MALRD1: variants seen among roughly 807,000 people sequenced by gnomAD.
The protein encoded by MALRD1 is MAM and LDL-receptor class A domain-containing protein 1.
Under a neutral mutation model 242.1 loss-of-function variants are expected in MALRD1, and 247 were observed. That is an observed-to-expected ratio of 1.02 (90% CI 0.92 to 1.13). The LOEUF is 1.13. MALRD1 is among the 50% of genes most tolerant of loss of function. MALRD1 has a pLI of 0.00. For synonymous variants in MALRD1, 995 were observed against 866.6 expected (o/e 1.15, Z -2.60); for missense variants, 2,989 against 2,533.1 (o/e 1.18, Z -3.86).
At chr10:19,237,609 T>TATATAAATTATTATAATTATATATA (rs1229216369) in intron 18 of MALRD1, among the ~76,000 whole-genome samples, 1 of 13,500 alleles carries the variant, frequency 7.4e-5, no homozygotes, top group Non-Finnish European at 1.1e-4. Context: ...ATTATAATTA[T>TATATAAATTATTATAATTATATATA]AATTATATAA....
At position 19,690,573 on chromosome 10, in the gene MALRD1, A is replaced by C. The variant is rs573436092; in HGVS notation, c.6138-1709A>C. 3.9e-5 allele frequency among the ~76,000 whole-genome samples: 6 copies of C among 152,080 alleles called. No individual in the cohort carries two copies. In the South Asian group the frequency reaches 1.2e-3, roughly 31 times the overall value. On this transcript the variant is annotated intron_variant, in intron 36 of 39. Coordinates refer to ENST00000454679, the MANE Select transcript of MALRD1 (RefSeq NM_001142308.3). ...TTTTATAGGCAAACTTCTGTCAATA[A>C]GAGAAAATTTTCTATCTTTATTTTT...
chr10:19,372,878 G>A (rs1000204582), intron 26 of MALRD1, among the ~76,000 whole-genome samples: 13 of 152,094 alleles, frequency 8.5e-5, no homozygotes, highest in Non-Finnish European at 1.9e-4. Flanking sequence ...TAAGACTGGT[G>A]TAGTTTTTAA....
At chr10:19,396,387 C>T (rs764859429) in intron 28 of MALRD1, among the ~76,000 whole-genome samples, 10 of 152,110 alleles carry the variant, frequency 6.6e-5, no homozygotes, top group East Asian at 5.8e-4. Context: ...TCTCCTGTCT[C>T]GGCCTTCCAA....
At chr10:19,236,425 T>C (rs1013466240) in intron 18 of MALRD1, among the ~76,000 whole-genome samples, 3 of 152,132 alleles carry the variant, frequency 2.0e-5, no homozygotes, top group African/African-American at 7.2e-5. Context: ...ATAAAGCCCT[T>C]TCCTCCTCCC....
At chr10:19,376,297 C>T (rs1845591843) in intron 26 of MALRD1, among the ~76,000 whole-genome samples, 1 of 152,052 alleles carries the variant, frequency 6.6e-6, no homozygotes, top group African/African-American at 2.4e-5. Flanking sequence ...GCTTATGAAT[C>T]TGTGGTTAAT....
At chr10:19,445,021 C>T (rs1213097519) in intron 28 of MALRD1, among the ~76,000 whole-genome samples, 2 of 152,102 alleles carry the variant, frequency 1.3e-5, no homozygotes, top group Non-Finnish European at 2.9e-5. Context: ...ACTCTTTTTT[C>T]TCTAACCTTG....
At chr10:19,187,090 A>G (rs1835771127) in intron 14 of MALRD1, among the ~76,000 whole-genome samples, 1 of 152,256 alleles carries the variant, frequency 6.6e-6, no homozygotes, top group Non-Finnish European at 1.5e-5. Flanking sequence ...TTTATGTAGT[A>G]TAAATACTCA....
chr10:19,097,989 T>G (rs574864840), intron 4 of MALRD1, among the ~76,000 whole-genome samples: 1 of 152,168 alleles, frequency 6.6e-6, no homozygotes, highest in Non-Finnish European at 1.5e-5. Context: ...GCTCTGTCTA[T>G]TGAGTGGCCA....
intron 38 of MALRD1, among the ~76,000 whole-genome samples, chr10:19,723,155 G>C (rs927765060): frequency 2.6e-5 from 4 of 152,082 alleles, no homozygotes; most frequent in African/African-American, 9.7e-5. Context: ...TAGAAACAGT[G>C]TTTAGAAATC....
intron 21 of MALRD1, among the ~76,000 whole-genome samples, chr10:19,294,603 G>T (rs2131934687): frequency 6.6e-6 from 1 of 152,288 alleles, no homozygotes; most frequent in South Asian, 2.1e-4. Context: ...CTTACTGAAA[G>T]AGTGGTCCAC....
chr10:19,148,967 A>G (rs181981962), intron 11 of MALRD1, among the ~76,000 whole-genome samples: 1 of 151,838 alleles, frequency 6.6e-6, no homozygotes, highest in South Asian at 2.1e-4. Context: ...TTTCTGGTAG[A>G]GTCAGAGGCA....
intron 12 of MALRD1, among the ~76,000 whole-genome samples, chr10:19,155,860 T>C (rs1435371010): frequency 1.3e-5 from 2 of 152,200 alleles, no homozygotes; most frequent in Non-Finnish European, 1.5e-5. Flanking sequence ...ATTTGGTACA[T>C]AGTAGGTAAA....
At chr10:19,069,262 AT>A (rs1171293595) in intron 2 of MALRD1, among the ~76,000 whole-genome samples, 47 of 152,156 alleles carry the variant, frequency 3.1e-4, no homozygotes, top group Admixed American at 9.8e-4. Flanking sequence ...AGCTTTTGTT[AT>A]TCTGATCAAT....
At chr10:19,125,324 TC>T (rs35127689) in intron 7 of MALRD1, among the ~76,000 whole-genome samples, 17 of 58,582 alleles carry the variant, frequency 2.9e-4, no homozygotes, top group African/African-American at 7.7e-4. Context: ...CTTCCTTCCT[TC>T]TTTCTTTCTT....
chr10:19,686,446 T>G (rs1842585103), intron 36 of MALRD1, among the ~76,000 whole-genome samples: 1 of 152,116 alleles, frequency 6.6e-6, no homozygotes, highest in Non-Finnish European at 1.5e-5. Context: ...TAGAGGAAGG[T>G]CATATACCAG....
chr10:19,459,305 C>T (rs1012476662), intron 29 of MALRD1, among the ~76,000 whole-genome samples: 1 of 152,148 alleles, frequency 6.6e-6, no homozygotes, highest in Admixed American at 6.5e-5. Flanking sequence ...ATAAAGTTGA[C>T]ACTAAACAAA....
chr10:19,268,514 G>A (rs1031970467), intron 19 of MALRD1, among the ~76,000 whole-genome samples: 2 of 152,060 alleles, frequency 1.3e-5, no homozygotes, highest in Non-Finnish European at 2.9e-5. Context: ...TAAAGAGACT[G>A]TTTAAGCTTC....
chr10:19,282,509 T>C (rs1245868820), intron 20 of MALRD1, among the ~76,000 whole-genome samples: 1 of 152,150 alleles, frequency 6.6e-6, no homozygotes, highest in Non-Finnish European at 1.5e-5. Context: ...CCTGTACATT[T>C]TAAAAAATCG....
intron 26 of MALRD1, among the ~76,000 whole-genome samples, chr10:19,362,218 A>G (rs1844923678): frequency 6.6e-6 from 1 of 152,106 alleles, no homozygotes; most frequent in South Asian, 2.1e-4. Flanking sequence ...ATTTACTCCT[A>G]TAATACTTGA....
Sources: gnomAD v4.1 joint callset for allele counts (sites outside exome capture counted in the v4.1 genomes callset) on GRCh38, gnomAD v4.1.1 for gene constraint, MANE v1.5 for transcripts, NCBI Gene and HGNC (gene_info 2026-07-23, HGNC 2026-07-21) for gene names.